Variants in KIF24 observed in about 807,000 individuals in gnomAD.
KIF24 encodes kinesin family member 24, also known as kinesin-like protein KIF24.
Under a neutral mutation model 118.9 loss-of-function variants are expected in KIF24, and 81 were observed. That is an observed-to-expected ratio of 0.68 (90% confidence interval 0.57 to 0.82). KIF24 has a LOEUF of 0.82. KIF24 is among the 40% of genes least tolerant of loss of function. KIF24 has a pLI of 0.00. For synonymous variants in KIF24, 599 were observed against 610.0 expected (o/e 0.98, Z 0.27); for missense variants, 1,560 against 1,661.6 (o/e 0.94, Z 1.06).
At chr9:34,304,738 A>G (rs1288683136) in intron 3 of KIF24, among the ~76,000 whole-genome samples, 5 of 152,368 alleles carry the variant, frequency 3.3e-5, no homozygotes, top group African/African-American at 1.2e-4. Flanking sequence ...ATTACTCTGA[A>G]TATCTCTGTG....
Position 34,311,062 on chromosome 9 carries a change from G to T in KIF24, c.285C>A (p.Arg95=), listed in dbSNP as rs1407779404. The change falls in exon 2 of 13, where the codon CGC becomes CGA. Residue 95 remains arginine (R), a synonymous_variant. Transcript: ENST00000402558. ...CAGGAGAATCAAAATTCAGCTGTCT[G>T]CGAGGGCCAGATCTTAATTCCTGAG... ...IKSQELRSGP[R]RQLNFDSPAD... is the part of the protein sequence containing the mutation. The T allele has an allele frequency of 2.5e-6, 4 of 1,613,934 alleles. No homozygotes were observed. The South Asian group carries it at 4.4e-5, about 18-fold the overall frequency.
intron 1 of KIF24, among the ~76,000 whole-genome samples, chr9:34,325,454 A>G (rs1395022636): frequency 6.6e-6 from 1 of 151,712 alleles, no homozygotes; most frequent in Admixed American, 6.6e-5. Context: ...GAACTTTGGG[A>G]GGCTGAGGTG....
chr9:34,312,830 T>C (rs1165593078), intron 1 of KIF24, among the ~76,000 whole-genome samples: 1 of 152,130 alleles, frequency 6.6e-6, no homozygotes, highest in Non-Finnish European at 1.5e-5. Flanking sequence ...CCTGAGTAGC[T>C]AGGATTCACA....
intron 1 of KIF24, among the ~76,000 whole-genome samples, chr9:34,314,954 T>A (rs1220783562): frequency 6.6e-6 from 1 of 152,188 alleles, no homozygotes; most frequent in Admixed American, 6.5e-5. Context: ...CTATAATAAA[T>A]CTATATCTTT....
rs929834806 is a variant in KIF24, at chr9:34,257,412, T to G, written c.2195A>C (p.Glu732Ala). 1 of 1,613,954 alleles carries G rather than the reference T, an allele frequency of 6.2e-7. No homozygotes were observed. The highest frequency in any genetic ancestry group is 1.3e-5 in the African/African-American group (1 of 74,942). ...LSFGNAHHRAEYSQDSQRGTP... is the reference protein window; with the variant it reads ...LSFGNAHHRAAYSQDSQRGTP... ...GCCCCTCTGGCTGTCTTGACTGTAC[T>G]CAGCCCTGTGGTGGGCGTTGCCAAA... is the stretch of plus-strand genomic sequence containing the variant. Residue 732 changes from glutamate (E) to alanine (A), a missense_variant, in exon 11 of 13, where the codon GAG (glutamate) becomes GCG (alanine). Glu to Ala is a moderately radical substitution (Grantham distance 107). Around this residue, in one of 3 missense-constraint regions of KIF24, gnomAD observed 964 missense variants for 988.0 expected, o/e 0.98. Coordinates refer to ENST00000402558, the MANE Select transcript of KIF24 (RefSeq NM_194313.4).
chr9:34,292,361 T>G (rs977282127), intron 4 of KIF24, among the ~76,000 whole-genome samples: 9 of 152,218 alleles, frequency 5.9e-5, no homozygotes, highest in African/African-American at 2.2e-4. Flanking sequence ...TTTTTTTTCC[T>G]TTTCCTTTTA....
intron 1 of KIF24, among the ~76,000 whole-genome samples, chr9:34,326,536 G>A (rs1481863178): frequency 1.3e-5 from 2 of 152,202 alleles, no homozygotes; most frequent in East Asian, 1.9e-4. Flanking sequence ...GCTTCATTCA[G>A]AAGGGAATAT....
At position 34,290,819 on chromosome 9, in the gene KIF24, C is replaced by T. The variant is rs1280817292; in HGVS notation, c.912-430G>A. Among the ~76,000 whole-genome samples the T allele has an allele frequency of 2.0e-5, 3 of 152,122 alleles. No individual in the cohort carries two copies. In the East Asian group the frequency reaches 5.8e-4, roughly 29 times the overall value. On this transcript the variant is annotated intron_variant, in intron 4 of 12. Coordinates refer to ENST00000402558, the MANE Select transcript of KIF24 (RefSeq NM_194313.4). ...TTCACCATGTTGGCCAAGCTCGTCTCGAACTCCTGACCTCAAATGATCTGC... is the reference window on the plus strand; with the variant it reads ...TTCACCATGTTGGCCAAGCTCGTCTTGAACTCCTGACCTCAAATGATCTGC...
Position 34,318,898 on chromosome 9 carries a change from C to T in KIF24, c.-25-7527G>A. 6.3e-7 allele frequency: 1 copy of T among 1,594,338 alleles called. No homozygotes were observed. The highest frequency in any genetic ancestry group is 1.1e-5 in the South Asian group (1 of 90,758). On this transcript the variant is annotated intron_variant, in intron 1 of 12. Coordinates refer to ENST00000402558, the MANE Select transcript of KIF24 (RefSeq NM_194313.4). The surrounding 1 kb of genome is among the most constrained non-coding windows in gnomAD (Gnocchi z 4.9). ...AGCACTCCAAGATCAATTTCCATGA[C>T]AAGCGCAGTGCGCTGCAGTCCATCC...
In KIF24 at chr9:34,271,808, C is replaced by T; in HGVS notation, c.1337+1G>A. ...GTAACTCCCTGATATTTCCAGCTCA[C>T]CTGCCAAATGTCCTCTTGGCTGAAT... On this transcript the variant is annotated splice_donor_variant, in intron 7 of 12. Coordinates refer to ENST00000402558, the MANE Select transcript of KIF24 (RefSeq NM_194313.4). LOFTEE classifies it high-confidence loss of function. 7 of 1,612,796 alleles carry T rather than the reference C, an allele frequency of 4.3e-6. No individual in the cohort carries two copies. The highest frequency in any genetic ancestry group is 5.9e-6 in the Non-Finnish European group (7 of 1,179,450).
intron 8 of KIF24, among the ~76,000 whole-genome samples, chr9:34,268,438 G>A (rs1835373832): frequency 6.6e-6 from 1 of 151,836 alleles, no homozygotes; most frequent in Admixed American, 6.6e-5. Flanking sequence ...TTACAGGCGT[G>A]AGCCACTGCG....
At chr9:34,272,359 T>C (rs193260652) in intron 6 of KIF24, among the ~76,000 whole-genome samples, 3 of 152,284 alleles carry the variant, frequency 2.0e-5, no homozygotes, top group Admixed American at 6.5e-5. Context: ...GATGCAGTCA[T>C]AAAGGAGGGC....
Position 34,254,416 on chromosome 9 carries a change from C to T in KIF24, c.4071G>A (p.Gly1357=), listed in dbSNP as rs1187109561. ...CTGTTCCCTCAGGGGCTGCGGTGGG[C>T]CCGTGGCAGGTGAGATAGAGCTGCA... ...SQLQLYLTCH[G]PTAAPEGTVP... The change falls in exon 13 of 13, where the codon GGG becomes GGA. Residue 1357 remains glycine (G), a synonymous_variant. Transcript: ENST00000402558. The T allele has an allele frequency of 6.2e-7, 1 of 1,613,634 alleles. No individual in the cohort carries two copies. Among genetic ancestry groups the T allele is most frequent in the Non-Finnish European group, 8.5e-7 (1 of 1,179,874 alleles).
chr9:34,303,625 G>A (rs1378009892), intron 3 of KIF24, among the ~76,000 whole-genome samples: 1 of 152,172 alleles, frequency 6.6e-6, no homozygotes, highest in Non-Finnish European at 1.5e-5. Flanking sequence ...TAAGGCAGGT[G>A]GATTGCTTGA....
rs992357886 is a variant in KIF24, at chr9:34,252,951, A to AAAGT, written c.*1425_*1428dup. On this transcript the variant is annotated 3_prime_UTR_variant, in exon 13 of 13. Transcript: ENST00000402558. Reference sequence around the variant, plus strand: ...TGATGATAGAATAGGGTTCATTCCTAAAGTAAGTAAGTTTTTGTCCTTGAC... The same window carrying AAAGT: ...TGATGATAGAATAGGGTTCATTCCTAAAGTAAGTAAGTAAGTTTTTGTCCTTGAC... 7 of 152,404 alleles carry AAAGT rather than the reference A, an allele frequency of 4.6e-5. No homozygotes were observed. Among genetic ancestry groups the AAAGT allele is most frequent in the South Asian group, 2.1e-4 (1 of 4,824 alleles). 9.4% of individuals were successfully genotyped at this position (152,404 alleles called of 1,614,324 possible).
intron 1 of KIF24, among the ~76,000 whole-genome samples, chr9:34,324,051 TAG>T (rs1227900481): frequency 6.6e-6 from 1 of 152,228 alleles, no homozygotes; most frequent in Non-Finnish European, 1.5e-5. Context: ...AAGACTGTAA[TAG>T]ACACAGTACC....
intron 1 of KIF24, among the ~76,000 whole-genome samples, chr9:34,326,905 G>A (rs1449618643): frequency 6.6e-6 from 1 of 151,802 alleles, no homozygotes; most frequent in Non-Finnish European, 1.5e-5. Flanking sequence ...GGGCAAAAGT[G>A]GAAACAGGGA....
chr9:34,306,307 G>A lies in KIF24; in HGVS notation c.758C>T (p.Thr253Ile), dbSNP rs372213020. 3.1e-6 allele frequency: 5 copies of A among 1,610,164 alleles called. No homozygotes were observed. In the African/African-American group the frequency reaches 4.0e-5, roughly 13 times the overall value. Residue 253 changes from threonine to isoleucine, a missense_variant, in exon 3 of 13, where the codon ACT becomes ATT. Physicochemically the swap from Thr to Ile is moderately conservative, Grantham distance 89. This residue lies in a region of KIF24 where 964 missense variants were observed against 988.0 expected (regional missense o/e 0.98). Coordinates refer to ENST00000402558, the MANE Select transcript of KIF24 (RefSeq NM_194313.4). ...TTCTTTCTTCTCATGCACAAGTAGAGTTTCTTTGTCTTCTACAGTAATAAT... is the reference window on the plus strand; with the variant it reads ...TTCTTTCTTCTCATGCACAAGTAGAATTTCTTTGTCTTCTACAGTAATAAT... ...INIITVEDKE[T>I]LLVHEKKEAV...
At chr9:34,309,376 CT>C (rs1449145917) in intron 2 of KIF24, among the ~76,000 whole-genome samples, 5 of 151,898 alleles carry the variant, frequency 3.3e-5, no homozygotes, top group Admixed American at 1.3e-4. Flanking sequence ...CCCACCTCTA[CT>C]AAAAATACAA....
Sources: allele counts gnomAD v4.1 joint callset (sites outside exome capture counted in the v4.1 genomes callset), GRCh38; gene constraint gnomAD v4.1.1; regional missense constraint gnomAD v4.1.1; non-coding constraint Gnocchi (gnomAD v3.1); transcripts MANE v1.5; gene names NCBI Gene and HGNC (gene_info 2026-07-23, HGNC 2026-07-21).